Variants in ZBTB45 observed in about 807,000 individuals in gnomAD.
ZBTB45 encodes the protein zinc finger and BTB domain-containing protein 45.
A neutral mutation model predicts 28.4 loss-of-function variants in ZBTB45; 22 were observed. The observed-to-expected ratio is 0.77, with a 90% CI of 0.55 to 1.10. The LOEUF is 1.10. Ranked by LOEUF, ZBTB45 falls within the 50% of genes least tolerant of loss-of-function variation. The pLI is 0.00. For synonymous variants in ZBTB45, 361 were observed against 332.3 expected, an observed-to-expected ratio of 1.09 and a Z score of -0.94; for missense variants, 656 against 750.2, an observed-to-expected ratio of 0.87 and a Z score of 1.47.
Position 58,516,699 on chromosome 19 carries a change from T to C in ZBTB45, c.975A>G (p.Pro325=), listed in dbSNP as rs1281213438. The C allele has an allele frequency of 1.3e-6, 2 of 1,590,058 alleles. No individual in the cohort carries two copies. Among genetic ancestry groups the C allele is most frequent in the East Asian group, 2.2e-5 (1 of 44,662 alleles). The change falls in exon 2 of 3, where the codon CCA becomes CCG. Residue 325 remains proline, a synonymous_variant. Transcript: ENST00000594051. This position sits in a 1 kb window ranked among gnomAD's most constrained non-coding sequence, Gnocchi z 6.2. ...SGSRPPGVKT[P]GPPVALFPFH... ...AGGGGAAGAGTGCAACGGGCGGCCC[T>C]GGGGTCTTCACACCAGGCGGGCGGG...
chr19:58,527,761 G>C (rs1029144038), intron 1 of ZBTB45, among the ~76,000 whole-genome samples: 1 of 152,022 alleles, frequency 6.6e-6, no homozygotes, highest in Non-Finnish European at 1.5e-5. Flanking sequence ...GCCACACCCT[G>C]ACTTTGTCCC....
chr19:58,529,190 A>G (rs2053623580), intron 1 of ZBTB45, among the ~76,000 whole-genome samples: 1 of 152,166 alleles, frequency 6.6e-6, no homozygotes, highest in Non-Finnish European at 1.5e-5. Context: ...CTGTAAGCCC[A>G]GCACTTTGGG....
chr19:58,518,103 C>T (rs964003610), intron 1 of ZBTB45, among the ~76,000 whole-genome samples: 3 of 151,810 alleles, frequency 2.0e-5, no homozygotes, highest in Non-Finnish European at 4.4e-5. Context: ...ACCCCCATCC[C>T]AACTGGCTAA....
At position 58,516,614 on chromosome 19, in the gene ZBTB45, G is replaced by A. The variant is rs112032287; in HGVS notation, c.1060C>T (p.Pro354Ser). 1.2e-5 allele frequency: 19 copies of A among 1,560,706 alleles called. No individual in the cohort carries two copies. The highest frequency in any genetic ancestry group is 1.6e-5 in the Non-Finnish European group (19 of 1,153,964). Residue 354 changes from proline (P) to serine (S), a missense_variant, in exon 2 of 3, where the codon CCT (proline) becomes TCT (serine). Around this residue, in one of 3 missense-constraint regions of ZBTB45, gnomAD observed 448 missense variants for 444.3 expected, o/e 1.01. Coordinates refer to ENST00000594051, the MANE Select transcript of ZBTB45 (RefSeq NM_001316979.2). The surrounding 1 kb of genome is among the most constrained non-coding windows in gnomAD (Gnocchi z 6.2). ...GGGTAGAAGGCGGGTGGGGGCGCAG[G>A]GGCTGGCCCCGATGGTGCTGAAGGG... is the stretch of plus-strand genomic sequence containing the variant. Reference protein sequence around the residue: ...PPPSAPSGPAPAPPPAFYPTL... With the variant: ...PPPSAPSGPASAPPPAFYPTL...
In ZBTB45 at chr19:58,517,152, G is replaced by C; in HGVS notation, c.522C>G (p.Arg174=). The stretch of plus-strand genomic sequence containing the variant: ...CTGGCAGCTGCAAACGCGCGGGCTG[G>C]CGCTGCTTACGGCTGTGTGCAGCAC... ...HPGAAHSRKQ[R]QPARLQLPAP... Residue 174 remains arginine (R), a synonymous_variant, in exon 2 of 3, where the codon CGC becomes CGG. Coordinates refer to ENST00000594051, the MANE Select transcript of ZBTB45 (RefSeq NM_001316979.2). 6.2e-7 allele frequency: 1 copy of C among 1,612,016 alleles called. No homozygotes were observed. Among genetic ancestry groups the C allele is most frequent in the African/African-American group, 1.3e-5 (1 of 75,038 alleles).
At chr19:58,530,735 G>A (rs377641597) in intron 1 of ZBTB45, among the ~76,000 whole-genome samples, 6 of 151,116 alleles carry the variant, frequency 4.0e-5, no homozygotes, top group Non-Finnish European at 4.4e-5. Context: ...GCAGGCTGGA[G>A]TGCAGTGGCG....
chr19:58,526,293 T>C (rs1351961021), intron 1 of ZBTB45, among the ~76,000 whole-genome samples: 1 of 152,052 alleles, frequency 6.6e-6, no homozygotes, highest in Non-Finnish European at 1.5e-5. Flanking sequence ...CACTGCAACC[T>C]CCACCTCCCG....
chr19:58,535,302 G>A (rs1030943397), intron 1 of ZBTB45, among the ~76,000 whole-genome samples: 2 of 151,724 alleles, frequency 1.3e-5, no homozygotes, highest in South Asian at 2.1e-4. Flanking sequence ...CACTGCACCC[G>A]GCCTGTTTGA....
rs748094857 is a variant in ZBTB45 at position 58,530,235 on chromosome 19, A to ACACC, written c.-1+8465_-1+8466insGGTG. Among the ~76,000 whole-genome samples the ACACC allele has an allele frequency of 2.1e-3, 320 of 150,354 alleles. 10 individuals are homozygous for ACACC. The East Asian group carries it at 0.058, about 27-fold the overall frequency. On this transcript the variant is annotated intron_variant, in intron 1 of 1. Transcript: ENST00000600130. ...CACACACACACACACACACACACACACCTCAGTTGTATGGATACACCACAT... is the reference window on the plus strand; with the variant it reads ...CACACACACACACACACACACACACACACCCCTCAGTTGTATGGATACACCACAT...
chr19:58,514,516 G>C (rs1484043885), intron 2 of ZBTB45, among the ~76,000 whole-genome samples: 3 of 151,906 alleles, frequency 2.0e-5, no homozygotes, highest in Non-Finnish European at 4.4e-5. Flanking sequence ...TCCTCTCCAG[G>C]ACCTCCCTTC....
upstream of ZBTB45, among the ~76,000 whole-genome samples, chr19:58,522,183 CA>C (rs1207474916): frequency 6.9e-6 from 1 of 144,482 alleles, no homozygotes; most frequent in Non-Finnish European, 1.5e-5. Flanking sequence ...TTTTCTGAGA[CA>C]AAGTCTCGCT....
intron 1 of ZBTB45, among the ~76,000 whole-genome samples, chr19:58,537,854 T>G (rs2053668763): frequency 7.9e-6 from 1 of 126,404 alleles, no homozygotes; most frequent in African/African-American, 3.2e-5. Context: ...TTTTTTTTTT[T>G]GAGACAGAGT....
Position 58,517,385 on chromosome 19 carries a change from C to G in ZBTB45, c.289G>C (p.Gly97Arg). Residue 97 changes from glycine (G) to arginine (R), a missense_variant, in exon 2 of 3, where the codon GGT (glycine) becomes CGT (arginine). Around this residue, in one of 3 missense-constraint regions of ZBTB45, gnomAD observed 105 missense variants for 152.4 expected, o/e 0.69. Coordinates refer to ENST00000594051, the MANE Select transcript of ZBTB45 (RefSeq NM_001316979.2). Reference protein sequence around the residue: ...LYSGSLVVAQGEALQVLTAAS... With the variant: ...LYSGSLVVAQREALQVLTAAS... ...GCCGTGAGCACCTGCAGGGCTTCACCCTGCGCCACAACGAGCGAACCGCTG... is the reference window on the plus strand; with the variant it reads ...GCCGTGAGCACCTGCAGGGCTTCACGCTGCGCCACAACGAGCGAACCGCTG... 6.2e-7 allele frequency: 1 copy of G among 1,612,808 alleles called. No individual in the cohort carries two copies. Among genetic ancestry groups the G allele is most frequent in the East Asian group, 2.2e-5 (1 of 44,870 alleles).
At chr19:58,533,555 G>GT (rs113842843) in intron 1 of ZBTB45, among the ~76,000 whole-genome samples, 274 of 146,060 alleles carry the variant, frequency 1.9e-3, no homozygotes, top group Middle Eastern at 7.1e-3. Context: ...ACAGAATAAA[G>GT]TTTTTTTTTT....
intron 1 of ZBTB45, among the ~76,000 whole-genome samples, chr19:58,538,471 T>C (rs1315652938): frequency 5.3e-5 from 8 of 152,010 alleles, no homozygotes; most frequent in Admixed American, 6.5e-5. Context: ...AGGCGGTGAC[T>C]ATGCCGCGGA....
At chr19:58,530,566 A>G (rs1475973711) in intron 1 of ZBTB45, among the ~76,000 whole-genome samples, 1 of 152,142 alleles carries the variant, frequency 6.6e-6, no homozygotes, top group Non-Finnish European at 1.5e-5. Flanking sequence ...TCGGCCTCCC[A>G]AAGTGTGGGG....
At chr19:58,518,410 G>C (rs1444807532) in intron 1 of ZBTB45, among the ~76,000 whole-genome samples, 2 of 152,140 alleles carry the variant, frequency 1.3e-5, no homozygotes, top group Non-Finnish European at 2.9e-5. Flanking sequence ...AGGGAAACCA[G>C]TACATGCTCC....
chr19:58,517,273 G>T lies in ZBTB45; in HGVS notation c.401C>A (p.Thr134Lys), dbSNP rs757646878. 1.9e-6 allele frequency: 3 copies of T among 1,588,978 alleles called. No homozygotes were observed. Among genetic ancestry groups the T allele is most frequent in the East Asian group, 4.5e-5 (2 of 44,462 alleles). ...RARAPGTSAP[T>K]PLPTPVPPPL... ...CGGGGGCACAGGGGTGGGCAGGGGC[G>T]TGGGCGCAGAGGTGCCCGGGGCTCG... Residue 134 changes from threonine (T) to lysine (K), a missense_variant, in exon 2 of 3, where the codon ACG becomes AAG. Coordinates refer to ENST00000594051, the MANE Select transcript of ZBTB45 (RefSeq NM_001316979.2).
rs761924528 is a variant in ZBTB45, at chr19:58,516,962, G to T, written c.712C>A (p.Pro238Thr). 6.2e-7 allele frequency: 1 copy of T among 1,613,166 alleles called. No individual in the cohort carries two copies. Among genetic ancestry groups the T allele is most frequent in the Non-Finnish European group, 8.5e-7 (1 of 1,180,024 alleles). Reference protein sequence around the residue: ...PGEGQAPPSFPDCAAGFLTAA... With the variant: ...PGEGQAPPSFTDCAAGFLTAA... Reference sequence around the variant, plus strand: ...GTGAGGAAGCCAGCAGCACAGTCTGGGAAGGAAGGAGGTGCCTGGCCCTCG... The same window carrying T: ...GTGAGGAAGCCAGCAGCACAGTCTGTGAAGGAAGGAGGTGCCTGGCCCTCG... The change falls in exon 2 of 3, where the codon CCA (proline) becomes ACA (threonine). Residue 238 changes from proline (P) to threonine (T), a missense_variant. Transcript: ENST00000594051. The surrounding 1 kb of genome is among the most constrained non-coding windows in gnomAD (Gnocchi z 6.2).
Sources: gnomAD v4.1 joint callset for allele counts (sites outside exome capture counted in the v4.1 genomes callset) on GRCh38, gnomAD v4.1.1 for gene constraint, gnomAD v4.1.1 regional missense constraint, Gnocchi (gnomAD v3.1) non-coding constraint, MANE v1.5 for transcripts, NCBI Gene and HGNC (gene_info 2026-07-23, HGNC 2026-07-21) for gene names.